BIN1: variants seen among roughly 807,000 people sequenced by gnomAD.
The protein encoded by BIN1 is myc box-dependent-interacting protein 1.
A neutral mutation model predicts 82.0 loss-of-function variants in BIN1; 53 were observed. That is an observed-to-expected ratio of 0.65 (90% CI 0.52 to 0.81). The LOEUF (loss-of-function observed/expected upper bound fraction) is 0.81, where lower values mean the gene tolerates loss of function less well. BIN1 is among the 40% of genes least tolerant of loss of function. The probability of loss-of-function intolerance (pLI) is 0.00; values close to 1 mark genes in which losing one functional copy is unlikely to be tolerated. For synonymous variants in BIN1, 302 were observed against 328.0 expected (o/e 0.92, Z 0.86); for missense variants, 642 against 784.4 (o/e 0.82, Z 2.17).
rs1681233957 is a variant in BIN1, at chr2:127,106,876, G to A, written c.68C>T (p.Thr23Ile). The A allele has an allele frequency of 6.2e-7, 1 of 1,611,166 alleles. No individual in the cohort carries two copies. Among genetic ancestry groups the A allele is most frequent in the Admixed American group, 1.7e-5 (1 of 59,928 alleles). Reference sequence around the variant, plus strand: ...CTCGCTCACCTTCTCCTGCGCGCGGGTGAGCTTCTTCTGCACGTTGCTGGC... The same window carrying A: ...CTCGCTCACCTTCTCCTGCGCGCGGATGAGCTTCTTCTGCACGTTGCTGGC... ...KIASNVQKKL[T>I]RAQEKVLQKL... The change falls in exon 1 of 19, where the codon ACC becomes ATC. Residue 23 changes from threonine to isoleucine, a missense_variant. By Grantham distance (89) the Thr-to-Ile change is moderately conservative. Coordinates refer to ENST00000316724, the MANE Select transcript of BIN1 (RefSeq NM_139343.3).
chr2:127,063,531 G>C, intron 9 of BIN1, 40 bp downstream of exon 9: 1 of 1,597,454 alleles, frequency 6.3e-7, no homozygotes, highest in East Asian at 2.2e-5. Context: ...CCCTCGGCCA[G>C]GGTGGGGTGT....
At chr2:127,075,666 C>A (rs1686485787) in intron 2 of BIN1, among the ~76,000 whole-genome samples, 1 of 152,038 alleles carries the variant, frequency 6.6e-6, no homozygotes, top group Admixed American at 6.5e-5. Flanking sequence ...AGCCCTCTCC[C>A]AGAATGCTCC....
chr2:127,093,158 G>T lies in BIN1; in HGVS notation c.84+13702C>A, dbSNP rs1218619714. Among the ~76,000 whole-genome samples the T allele has an allele frequency of 6.6e-6, 1 of 152,116 alleles. No individual in the cohort carries two copies. Among genetic ancestry groups the T allele is most frequent in the Non-Finnish European group, 1.5e-5 (1 of 68,006 alleles). ...GTGGGGGCTTACAGTATCACCTGGA[G>T]CCTGGCCCCCACAAGGCCCTGTCGG... is the stretch of plus-strand genomic sequence containing the variant. On this transcript the variant is annotated intron_variant, in intron 1 of 18. Transcript: ENST00000316724. The surrounding 1 kb of genome is among the most constrained non-coding windows in gnomAD (Gnocchi z 5.7).
chr2:127,053,215 AG>A, intron 14 of BIN1: 1 of 698,326 alleles, frequency 1.4e-6, no homozygotes, highest in Non-Finnish European at 2.5e-6. Flanking sequence ...CCCTTTTCCA[AG>A]GGCCTGCCAG....
At chr2:127,101,002 G>GGGCGGGGC (rs777393667) in intron 1 of BIN1, among the ~76,000 whole-genome samples, 1 of 139,554 alleles carries the variant, frequency 7.2e-6, no homozygotes. Flanking sequence ...GAATGTGCGG[G>GGGCGGGGC]GGGTGGGGAT....
intron 12 of BIN1, chr2:127,055,515 A>G (rs1324293665): frequency 6.6e-6 from 1 of 152,030 alleles, no homozygotes; most frequent in Non-Finnish European, 1.5e-5. Flanking sequence ...CTGCCCCATA[A>G]CCGGCCGTCT....
chr2:127,094,964 G>C (rs959700779), intron 1 of BIN1, among the ~76,000 whole-genome samples: 2 of 152,192 alleles, frequency 1.3e-5, no homozygotes, highest in Non-Finnish European at 2.9e-5. Context: ...ACCAGACCAG[G>C]AGAACAGGGT....
chr2:127,092,309 C>T (rs1478342382), intron 1 of BIN1, among the ~76,000 whole-genome samples: 1 of 152,194 alleles, frequency 6.6e-6, no homozygotes, highest in Non-Finnish European at 1.5e-5. Flanking sequence ...TGCCCCTCCC[C>T]ACCCGATTAA....
In BIN1 at chr2:127,057,793, G is replaced by A. The variant is rs1427953369; in HGVS notation, c.1003-192C>T. ...CCCCAACATAGACACCAAGACCCCA[G>A]GCCACCCCCGAGAGGGACACTGAGG... On this transcript the variant is annotated intron_variant, in intron 11 of 18. Coordinates refer to ENST00000316724, the MANE Select transcript of BIN1 (RefSeq NM_139343.3). This position sits in a 1 kb window ranked among gnomAD's most constrained non-coding sequence, Gnocchi z 5.0. Among the ~76,000 whole-genome samples the A allele has an allele frequency of 6.6e-6, 1 of 150,908 alleles. No individual in the cohort carries two copies. Among genetic ancestry groups the A allele is most frequent in the Non-Finnish European group, 1.5e-5 (1 of 67,696 alleles).
Position 127,048,419 on chromosome 2 carries a change from C to T in BIN1, c.*107G>A. On this transcript the variant is annotated 3_prime_UTR_variant, in exon 19 of 19. Transcript: ENST00000316724. ...GCCTGGGGGTCTCCTCTTGATTTCCCTTTGCTCTTCAAAAGATGAAAAACG... is the reference window on the plus strand; with the variant it reads ...GCCTGGGGGTCTCCTCTTGATTTCCTTTTGCTCTTCAAAAGATGAAAAACG... The T allele has an allele frequency of 8.9e-7, 1 of 1,117,494 alleles. No individual in the cohort carries two copies. Among genetic ancestry groups the T allele is most frequent in the Non-Finnish European group, 1.3e-6 (1 of 747,844 alleles). 69.2% of individuals were successfully genotyped at this position (1,117,494 alleles called of 1,614,324 possible).
At chr2:127,100,878 T>G (rs532200971) in intron 1 of BIN1, among the ~76,000 whole-genome samples, 1 of 152,146 alleles carries the variant, frequency 6.6e-6, no homozygotes, top group Admixed American at 6.5e-5. Flanking sequence ...GGGCAGCCTC[T>G]CCAGCACATT....
chr2:127,096,355 A>T (rs1679605972), intron 1 of BIN1, among the ~76,000 whole-genome samples: 1 of 152,144 alleles, frequency 6.6e-6, no homozygotes, highest in Admixed American at 6.5e-5. Context: ...CAAAACACGA[A>T]AGCCAGAATG....
At chr2:127,096,261 T>A (rs1053826326) in intron 1 of BIN1, among the ~76,000 whole-genome samples, 1 of 152,190 alleles carries the variant, frequency 6.6e-6, no homozygotes, top group Admixed American at 6.5e-5. Context: ...TTTTTCAGCC[T>A]CTACAGGTGG....
rs1241913171 is a variant in BIN1 at position 127,093,012 on chromosome 2, G to A, written c.84+13848C>T. On this transcript the variant is annotated intron_variant, in intron 1 of 18. Transcript: ENST00000316724. This position sits in a 1 kb window ranked among gnomAD's most constrained non-coding sequence, Gnocchi z 5.7. ...AAAAAAAAAAAAAAATCCCAGGAGG[G>A]AGCCAAAGGAGTGGGGCACAGCCTG... is the stretch of plus-strand genomic sequence containing the variant. Among the ~76,000 whole-genome samples the A allele has an allele frequency of 6.6e-6, 1 of 152,128 alleles. No homozygotes were observed. Among genetic ancestry groups the A allele is most frequent in the African/African-American group, 2.4e-5 (1 of 41,430 alleles).
intron 12 of BIN1, chr2:127,054,248 G>T: frequency 3.5e-6 from 2 of 564,142 alleles, no homozygotes; most frequent in South Asian, 1.9e-5. Context: ...ACAGGCTCCC[G>T]CCCACACCAG....
intron 1 of BIN1, among the ~76,000 whole-genome samples, chr2:127,095,506 C>T (rs1679479507): frequency 6.6e-6 from 1 of 152,204 alleles, no homozygotes; most frequent in Admixed American, 6.5e-5. Context: ...ACTCCCACCC[C>T]CAAACATATG....
chr2:127,097,137 C>T (rs1440457302), intron 1 of BIN1, among the ~76,000 whole-genome samples: 5 of 152,224 alleles, frequency 3.3e-5, no homozygotes, highest in Non-Finnish European at 2.9e-5. Flanking sequence ...AGGCCCCTCC[C>T]TAGCTCTGAC....
Position 127,076,549 on chromosome 2 carries a change from A to G in BIN1, c.165+77T>C. On this transcript the variant is annotated intron_variant, in intron 2 of 18. Transcript: ENST00000316724. ...CTCCTCCAAGCTCTCGTACTCCACA[A>G]ATTCAGCTCGTGCCATTTTTCACCT... 4 of 1,544,462 alleles carry G rather than the reference A, an allele frequency of 2.6e-6. No homozygotes were observed. The South Asian group carries it at 3.3e-5, about 13-fold the overall frequency.
chr2:127,050,605 G>T, intron 17 of BIN1, 83 bp from the exon 18 acceptor site: 1 of 1,491,254 alleles, frequency 6.7e-7, no homozygotes, highest in Non-Finnish European at 9.3e-7. Context: ...TGTGGGAGGT[G>T]CAGGTGGCAG....
Sources: allele counts gnomAD v4.1 joint callset (sites outside exome capture counted in the v4.1 genomes callset), GRCh38; gene constraint gnomAD v4.1.1; non-coding constraint Gnocchi (gnomAD v3.1); transcripts MANE v1.5; gene names NCBI Gene and HGNC (gene_info 2026-07-23, HGNC 2026-07-21).